PARD3B: variants seen among roughly 807,000 people sequenced by gnomAD.
PARD3B encodes the protein partitioning defective 3 homolog B.
PARD3B carries 103 observed loss-of-function variants against 130.2 expected under a neutral mutation model. The ratio of observed to expected loss-of-function variants is 0.79; its 90% CI spans 0.67 to 0.93. The LOEUF is 0.93. PARD3B is among the 40% of genes least tolerant of loss of function. The pLI is 0.00. For synonymous variants in PARD3B, 583 were observed against 553.2 expected (o/e 1.05, Z -0.76); for missense variants, 1,609 against 1,499.2 (o/e 1.07, Z -1.21).
intron 1 of PARD3B, among the ~76,000 whole-genome samples, chr2:204,605,764 A>G (rs1395745003): frequency 1.3e-5 from 2 of 152,194 alleles, no homozygotes; most frequent in African/African-American, 2.4e-5. Flanking sequence ...TATAAGAGTT[A>G]ATGAAGAGGA....
chr2:204,657,557 A>C (rs1323522693), intron 1 of PARD3B, among the ~76,000 whole-genome samples: 2 of 152,128 alleles, frequency 1.3e-5, no homozygotes, highest in Non-Finnish European at 2.9e-5. Context: ...TAGAGAAACC[A>C]AGGCAAGATG....
rs938912756 is a variant in PARD3B, at chr2:205,558,080, A to C, written c.3260+4677A>C. ...ATGGTCAAGTGCAAGAGAACATAGC[A>C]ATCTACTGTGATCTGAGTGATAAGC... is the stretch of plus-strand genomic sequence containing the variant. On this transcript the variant is annotated intron_variant, in intron 22 of 22. Coordinates refer to ENST00000406610, the MANE Select transcript of PARD3B (RefSeq NM_001302769.2). This position sits in a 1 kb window ranked among gnomAD's most constrained non-coding sequence, Gnocchi z 4.8. Among the ~76,000 whole-genome samples, 1 of 152,198 alleles carries C rather than the reference A, an allele frequency of 6.6e-6. No individual in the cohort carries two copies. The highest frequency in any genetic ancestry group is 2.4e-5 in the African/African-American group (1 of 41,440).
intron 19 of PARD3B, among the ~76,000 whole-genome samples, chr2:205,406,059 C>T (rs896946266): frequency 1.8e-4 from 27 of 152,208 alleles, no homozygotes; most frequent in African/African-American, 6.3e-4. Flanking sequence ...TCACACAGAG[C>T]ATGCGGGTAC....
intron 3 of PARD3B, among the ~76,000 whole-genome samples, chr2:205,037,564 G>A (rs893447493): frequency 6.8e-6 from 1 of 146,826 alleles, no homozygotes; most frequent in Non-Finnish European, 1.5e-5. Context: ...ATATACAGTG[G>A]ACTATATATA....
intron 19 of PARD3B, among the ~76,000 whole-genome samples, chr2:205,438,198 A>G (rs1031353538): frequency 3.9e-5 from 6 of 152,214 alleles, no homozygotes; most frequent in African/African-American, 1.2e-4. Context: ...AAGGAAAAAT[A>G]TAAGATAAAA....
intron 4 of PARD3B, among the ~76,000 whole-genome samples, chr2:205,074,616 G>A (rs1441024934): frequency 2.0e-5 from 3 of 152,162 alleles, no homozygotes; most frequent in Admixed American, 1.3e-4. Context: ...GCTGTCTGAT[G>A]TATCAAAGAG....
intron 10 of PARD3B, among the ~76,000 whole-genome samples, chr2:205,151,127 T>C (rs2033727410): frequency 6.6e-6 from 1 of 152,200 alleles, no homozygotes; most frequent in Admixed American, 6.5e-5. Context: ...TATATAATTT[T>C]GTTTTGTCAT....
At chr2:205,273,173 G>A (rs1254505412) in intron 16 of PARD3B, among the ~76,000 whole-genome samples, 1 of 152,154 alleles carries the variant, frequency 6.6e-6, no homozygotes, top group Admixed American at 6.5e-5. Context: ...ATTAGATTGT[G>A]TTGATTGCTT....
At chr2:204,873,279 G>A (rs868349703) in intron 2 of PARD3B, among the ~76,000 whole-genome samples, 1 of 152,200 alleles carries the variant, frequency 6.6e-6, no homozygotes, top group Middle Eastern at 3.4e-3. Context: ...CCCTAAAGAG[G>A]ACGTGAATGC....
rs1317795634 is a variant in PARD3B at position 205,405,099 on chromosome 2, A to G, written c.2741+3976A>G. On this transcript the variant is annotated intron_variant, in intron 19 of 22. Transcript: ENST00000406610. The surrounding 1 kb of genome is among the most constrained non-coding windows in gnomAD (Gnocchi z 4.1). ...GCTGCTATATATGGATAGTTTATCT[A>G]TAGCTACATGTACTGAAAAAGTCCA... is the stretch of plus-strand genomic sequence containing the variant. Among the ~76,000 whole-genome samples, 4 of 152,180 alleles carry G rather than the reference A, an allele frequency of 2.6e-5. No individual in the cohort carries two copies. Among genetic ancestry groups the G allele is most frequent in the African/African-American group, 4.8e-5 (2 of 41,446 alleles).
rs927749710 is a variant in PARD3B, at chr2:205,584,453, C to T, written c.3261-31003C>T. Among the ~76,000 whole-genome samples the T allele has an allele frequency of 2.6e-5, 4 of 152,000 alleles. No individual in the cohort carries two copies. The highest frequency in any genetic ancestry group is 4.1e-4 in the South Asian group (2 of 4,822). ...AGCACTTTAGGAGGCCGAGGCAGGC[C>T]GATCACCTGACGTCAGGAGTTCGAG... is the stretch of plus-strand genomic sequence containing the variant. On this transcript the variant is annotated intron_variant, in intron 22 of 22. Transcript: ENST00000406610. The surrounding 1 kb of genome is among the most constrained non-coding windows in gnomAD (Gnocchi z 5.5).
chr2:205,140,129 G>C (rs1434689389), intron 10 of PARD3B, among the ~76,000 whole-genome samples: 2 of 152,216 alleles, frequency 1.3e-5, no homozygotes, highest in Non-Finnish European at 2.9e-5. Flanking sequence ...GAGAGGCCAG[G>C]GCGGAGTAAT....
rs140715121 is a variant in PARD3B at position 205,210,106 on chromosome 2, C to G, written c.2140+16786C>G. ...CAGGGCCAGTCATGGTGGCTCATGC[C>G]TATAATCTCAGCACTTTGAGAGGCT... On this transcript the variant is annotated intron_variant, in intron 15 of 22. Transcript: ENST00000406610. 3.2e-3 allele frequency among the ~76,000 whole-genome samples: 481 copies of G among 152,004 alleles called. 2 individuals carry two copies. Among genetic ancestry groups the G allele is most frequent in the African/African-American group, 0.011 (460 of 41,490 alleles).
intron 4 of PARD3B, among the ~76,000 whole-genome samples, chr2:205,054,422 ATATATATATATATATTTTTT>A (rs1166792500): frequency 5.1e-5 from 1 of 19,590 alleles, no homozygotes; most frequent in Non-Finnish European, 1.1e-4. Flanking sequence ...ATATATATAT[ATATATATATATATATTTTTT>A]TTTTTTTTTT....
At chr2:205,035,821 C>CATA (rs1697804309) in intron 3 of PARD3B, among the ~76,000 whole-genome samples, 1 of 5,784 alleles carries the variant, frequency 1.7e-4, no homozygotes, top group South Asian at 9.8e-3. Context: ...ATATATATAT[C>CATA]TATATATCTA....
At chr2:204,927,650 A>T (rs563783583) in intron 2 of PARD3B, among the ~76,000 whole-genome samples, 2 of 152,296 alleles carry the variant, frequency 1.3e-5, no homozygotes, top group Admixed American at 1.3e-4. Context: ...TGATACAGGA[A>T]TCCATTCTAT....
chr2:205,193,010 A>G (rs576828853), intron 14 of PARD3B, among the ~76,000 whole-genome samples, 195 bp from the exon 15 acceptor site: 1 of 152,344 alleles, frequency 6.6e-6, no homozygotes, highest in African/African-American at 2.4e-5. Context: ...TTTAAATTGT[A>G]CAGTGTGATA....
At chr2:205,030,907 G>T (rs1697369982) in intron 3 of PARD3B, among the ~76,000 whole-genome samples, 1 of 152,122 alleles carries the variant, frequency 6.6e-6, no homozygotes, top group Non-Finnish European at 1.5e-5. Flanking sequence ...TTTATGCTGT[G>T]CTAAGAATCC....
rs559522766 is a variant in PARD3B at position 204,832,050 on chromosome 2, A to G, written c.223-133102A>G. 9.2e-5 allele frequency among the ~76,000 whole-genome samples: 14 copies of G among 152,228 alleles called. No individual in the cohort carries two copies. The East Asian group carries it at 2.5e-3, about 27-fold the overall frequency. On this transcript the variant is annotated intron_variant, in intron 2 of 22. Transcript: ENST00000406610. The stretch of plus-strand genomic sequence containing the variant: ...ATCCTGGCTAACACGGTGAAACCCC[A>G]TTTCTACTAAAAATACAAAAACAAA...
Sources: gnomAD v4.1 joint callset for allele counts (sites outside exome capture counted in the v4.1 genomes callset) on GRCh38, gnomAD v4.1.1 for gene constraint, Gnocchi (gnomAD v3.1) non-coding constraint, MANE v1.5 for transcripts, NCBI Gene and HGNC (gene_info 2026-07-23, HGNC 2026-07-21) for gene names.